RSRC2: variants seen among roughly 807,000 people sequenced by gnomAD.
The protein encoded by RSRC2 is arginine/serine-rich coiled-coil protein 2.
A neutral mutation model predicts 61.3 loss-of-function variants in RSRC2; 5 were observed. The observed-to-expected ratio is 0.08, with a 90% CI of 0.04 to 0.17. RSRC2 has a LOEUF of 0.17. RSRC2 is among the 10% of genes least tolerant of loss of function. RSRC2 has a pLI of 1.00. For synonymous variants in RSRC2, 202 were observed against 166.5 expected, an observed-to-expected ratio of 1.21 and a Z score of -1.64; for missense variants, 381 against 518.8, an observed-to-expected ratio of 0.73 and a Z score of 2.58.
At chr12:122,514,149 C>G (rs567832878) in intron 6 of RSRC2, among the ~76,000 whole-genome samples, 2 of 152,124 alleles carry the variant, frequency 1.3e-5, no homozygotes, top group South Asian at 4.2e-4. Flanking sequence ...TTTTGCCTCT[C>G]TATGAGGCAG....
chr12:122,526,705 G>A (rs1960562493), intron 1 of RSRC2, 143 bp downstream of exon 1: 3 of 875,152 alleles, frequency 3.4e-6, no homozygotes, highest in Non-Finnish European at 5.6e-6. Context: ...ACAGCAGGCA[G>A]CCATGATGGC....
At chr12:122,511,325 G>GT in intron 6 of RSRC2, 137 bp from the exon 7 acceptor site, 1 of 548,740 alleles carries the variant, frequency 1.8e-6, no homozygotes, top group South Asian at 2.7e-5. Flanking sequence ...ACCGATAGCC[G>GT]TATGTGAAGA....
chr12:122,507,004 T>TA (rs144251671), intron 8 of RSRC2, 81 bp from the exon 9 acceptor site: 23,329 of 531,676 alleles, frequency 0.044, 87 homozygotes, highest in African/African-American at 0.067. Flanking sequence ...ATGTCTAAAT[T>TA]AAAAAAAAAA....
At chr12:122,524,567 A>G (rs1420447463) in intron 1 of RSRC2, among the ~76,000 whole-genome samples, 2 of 152,234 alleles carry the variant, frequency 1.3e-5, no homozygotes, top group African/African-American at 4.8e-5. Context: ...GCTGGACAAC[A>G]GAGAAACCTC....
intron 8 of RSRC2, chr12:122,507,149 G>A (rs1475410577): frequency 5.7e-6 from 3 of 528,342 alleles, no homozygotes; most frequent in Non-Finnish European, 1.0e-5. Flanking sequence ...AGGCCGAGGT[G>A]GGCAAATCAC....
intron 9 of RSRC2, 117 bp downstream of exon 9, chr12:122,506,717 G>C: frequency 1.5e-6 from 1 of 681,830 alleles, no homozygotes; most frequent in Non-Finnish European, 2.6e-6. Flanking sequence ...AAGGTGGTGG[G>C]AAAGAACTCA....
At position 122,517,215 on chromosome 12, in the gene RSRC2, A is replaced by T. The variant is rs1959007101; in HGVS notation, c.602+12T>A. 6.2e-7 allele frequency: 1 copy of T among 1,614,054 alleles called. No individual in the cohort carries two copies. The highest frequency in any genetic ancestry group is 1.3e-5 in the African/African-American group (1 of 75,026). On this transcript the variant is annotated intron_variant, in intron 5 of 9. Transcript: ENST00000331738. ...GTCCTATTAAATTTTATTCAGGATG[A>T]TGGTCACCTACCGACTCCTACTCCT...
chr12:122,508,522 G>A (rs1703950321), intron 7 of RSRC2, 75 bp from the exon 8 acceptor site: 10 of 1,186,060 alleles, frequency 8.4e-6, no homozygotes, highest in South Asian at 8.3e-5. Context: ...ATTAACGAAC[G>A]ATTTATAAAA....
chr12:122,514,581 T>TAAAA (rs79986881), intron 6 of RSRC2: 3 of 915,662 alleles, frequency 3.3e-6, no homozygotes, highest in African/African-American at 4.0e-5. Flanking sequence ...AGCAGAAAAT[T>TAAAA]AAAAAAAAAA....
intron 7 of RSRC2, 36 bp from the exon 8 acceptor site, chr12:122,508,483 G>C (rs373693700): frequency 6.1e-6 from 9 of 1,486,424 alleles, no homozygotes; most frequent in Middle Eastern, 1.8e-4. Context: ...ATTTTAAAAC[G>C]ATTTTAAAAC....
intron 4 of RSRC2, among the ~76,000 whole-genome samples, chr12:122,517,872 AT>A (rs1959054465): frequency 6.6e-6 from 1 of 152,190 alleles, no homozygotes; most frequent in African/African-American, 2.4e-5. Context: ...ATACTCCAAC[AT>A]TAAAAAAAAT....
chr12:122,516,146 G>C (rs1565897918), intron 5 of RSRC2, among the ~76,000 whole-genome samples: 2 of 152,078 alleles, frequency 1.3e-5, no homozygotes, highest in Non-Finnish European at 2.9e-5. Context: ...TAAAAACCAA[G>C]TTACTGTATT....
intron 9 of RSRC2, 101 bp downstream of exon 9, chr12:122,506,733 G>A (rs1186614840): frequency 1.2e-5 from 9 of 725,642 alleles, no homozygotes; most frequent in South Asian, 5.2e-5. Flanking sequence ...ACTCAAAAAC[G>A]CTGACACCTG....
At chr12:122,517,474 T>C in intron 4 of RSRC2, 44 bp from the exon 5 acceptor site, 2 of 1,611,486 alleles carry the variant, frequency 1.2e-6, no homozygotes, top group Non-Finnish European at 1.7e-6. Context: ...AAAAGTTGTG[T>C]TGTTTCATTT....
At chr12:122,526,522 C>G (rs1375365775) in intron 1 of RSRC2, among the ~76,000 whole-genome samples, 1 of 151,960 alleles carries the variant, frequency 6.6e-6, no homozygotes, top group Non-Finnish European at 1.5e-5. Flanking sequence ...TTCTCAGGCC[C>G]TAAAAAAAAC....
intron 9 of RSRC2, among the ~76,000 whole-genome samples, chr12:122,506,060 T>C (rs1329601814): frequency 1.3e-5 from 2 of 151,884 alleles, no homozygotes; most frequent in Non-Finnish European, 2.9e-5. Flanking sequence ...AGTGTTGGGA[T>C]TACAGGTGTG....
chr12:122,521,838 TA>T (rs1036190768), intron 2 of RSRC2, among the ~76,000 whole-genome samples: 25 of 152,246 alleles, frequency 1.6e-4, no homozygotes, highest in Non-Finnish European at 2.9e-4. Flanking sequence ...CAGTCTCTAC[TA>T]AAAATACAAA....
chr12:122,510,429 C>G (rs1175642420), intron 7 of RSRC2, among the ~76,000 whole-genome samples: 1 of 152,156 alleles, frequency 6.6e-6, no homozygotes, highest in African/African-American at 2.4e-5. Context: ...ACAGGGGAGG[C>G]TGAGGCGGAG....
At chr12:122,515,689 A>T (rs781612944) in intron 5 of RSRC2, among the ~76,000 whole-genome samples, 1 of 152,162 alleles carries the variant, frequency 6.6e-6, no homozygotes, top group Non-Finnish European at 1.5e-5. Flanking sequence ...AAAGTTATTA[A>T]CCACTAAAAA....
Sources: allele counts gnomAD v4.1 joint callset (sites outside exome capture counted in the v4.1 genomes callset), GRCh38; gene constraint gnomAD v4.1.1; transcripts MANE v1.5; gene names NCBI Gene and HGNC (gene_info 2026-07-23, HGNC 2026-07-21).